The following DIP2B variants were observed in gnomAD, a reference collection of about 807,000 sequenced individuals.
DIP2B encodes the protein DIP2 acetate--CoA ligase B (putative).
A neutral mutation model predicts 198.0 loss-of-function variants in DIP2B; 76 were observed. The observed-to-expected ratio is 0.38, with a 90% CI of 0.32 to 0.46. The LOEUF is 0.46. Ranked by LOEUF, DIP2B falls within the 20% of genes least tolerant of loss-of-function variation. The pLI, the probability that DIP2B is intolerant of heterozygous loss-of-function variation, is 0.99. For missense variants in DIP2B, 1,559 were observed against 1,978.4 expected (o/e 0.79, Z 4.02); for synonymous variants, 701 against 739.1 (o/e 0.95, Z 0.84).
At chr12:50,602,627 G>C (rs1412690189) in intron 1 of DIP2B, among the ~76,000 whole-genome samples, 1 of 152,124 alleles carries the variant, frequency 6.6e-6, no homozygotes, top group Non-Finnish European at 1.5e-5. Context: ...TTGGGAGGCC[G>C]AGGCTGGCGG....
chr12:50,547,090 C>T (rs2139381698), intron 1 of DIP2B, among the ~76,000 whole-genome samples: 1 of 152,204 alleles, frequency 6.6e-6, no homozygotes, highest in South Asian at 2.1e-4. Context: ...CCTTTCTTTC[C>T]TTGGCTTCAG....
chr12:50,663,803 A>G (rs2731441), intron 4 of DIP2B, among the ~76,000 whole-genome samples: 142,438 of 148,798 alleles, frequency 0.96, 68,503 homozygotes, highest in East Asian at 1. Context: ...CCCAGAGGTC[A>G]AGGCTGCAGT....
intron 19 of DIP2B, among the ~76,000 whole-genome samples, chr12:50,702,123 G>T (rs1939428261): frequency 1.3e-5 from 2 of 152,052 alleles, no homozygotes; most frequent in South Asian, 4.1e-4. Context: ...GCCGAGGCGG[G>T]CGGATCACGA....
intron 21 of DIP2B, among the ~76,000 whole-genome samples, chr12:50,707,115 A>G (rs1206404706): frequency 6.6e-6 from 1 of 152,188 alleles, no homozygotes; most frequent in Non-Finnish European, 1.5e-5. Flanking sequence ...CATAGTGCAT[A>G]ATTTCAAATT....
rs1939506599 is a variant in DIP2B at position 50,706,007 on chromosome 12, T to G, written c.2407-531T>G. 2.0e-5 allele frequency among the ~76,000 whole-genome samples: 3 copies of G among 152,354 alleles called. No individual in the cohort carries two copies. In the South Asian group the frequency reaches 6.2e-4, roughly 32 times the overall value. ...AGTAGTTCCCTGCTGCTTTGTTTTCTTATTGGAAAAGAAAGGCACCTACAG... is the reference window on the plus strand; with the variant it reads ...AGTAGTTCCCTGCTGCTTTGTTTTCGTATTGGAAAAGAAAGGCACCTACAG... On this transcript the variant is annotated intron_variant, in intron 20 of 37. Transcript: ENST00000301180.
Position 50,692,854 on chromosome 12 carries a change from A to C in DIP2B, c.1655-95A>C, listed in dbSNP as rs1020803251. 18 of 1,085,778 alleles carry C rather than the reference A, an allele frequency of 1.7e-5. No homozygotes were observed. The African/African-American group carries it at 2.4e-4, about 14-fold the overall frequency. The allele number at this position is 1,085,778 out of a possible 1,614,324, so 67.3% of individuals were successfully genotyped here. ...CTCCATCTAAAAGAAAAAGCAAACA[A>C]ACATCAAATCAGTTGTTTATAAGAG... On this transcript the variant is annotated intron_variant, in intron 13 of 37. Transcript: ENST00000301180.
At chr12:50,675,472 A>G (rs1464560845) in intron 7 of DIP2B, 24 bp downstream of exon 7, 13 of 1,604,418 alleles carry the variant, frequency 8.1e-6, no homozygotes, top group Non-Finnish European at 9.4e-6. Context: ...TACCAAAAAC[A>G]TATATTCATT....
chr12:50,700,559 A>G (rs943524570), intron 19 of DIP2B, among the ~76,000 whole-genome samples: 22 of 152,206 alleles, frequency 1.4e-4, no homozygotes, highest in African/African-American at 5.3e-4. Context: ...AGAAAGTATC[A>G]TCTCTGTGAT....
chr12:50,599,876 A>ATGAT (rs1420379622), intron 1 of DIP2B, among the ~76,000 whole-genome samples: 1 of 152,192 alleles, frequency 6.6e-6, no homozygotes, highest in East Asian at 1.9e-4. Context: ...TTTTGAGATT[A>ATGAT]TGATCTTTTG....
rs191434743 is a variant in DIP2B, at chr12:50,549,622, C to A, written c.100+44382C>A. On this transcript the variant is annotated intron_variant, in intron 1 of 37. Transcript: ENST00000301180. The stretch of plus-strand genomic sequence containing the variant: ...GCTGAGGCAGGAAAATCACTTGAAC[C>A]TGGGAGGCAGAGGTTGCAGTGAGCT... Among the ~76,000 whole-genome samples the A allele has an allele frequency of 1.0e-3, 150 of 144,082 alleles. 2 individuals are homozygous for A. Among genetic ancestry groups the A allele is most frequent in the African/African-American group, 3.7e-3 (143 of 38,744 alleles). 94.5% of individuals were successfully genotyped at this position (144,082 alleles called of 152,430 possible). A position where few individuals can be genotyped will look rare whatever the true frequency, so the allele number is the denominator to read the frequency against.
At chr12:50,611,455 G>A (rs1405444375) in intron 1 of DIP2B, among the ~76,000 whole-genome samples, 1 of 152,074 alleles carries the variant, frequency 6.6e-6, no homozygotes, top group Non-Finnish European at 1.5e-5. Flanking sequence ...TTCTTTTGCT[G>A]AGGCTGCATT....
chr12:50,549,103 C>A (rs185359722), intron 1 of DIP2B, among the ~76,000 whole-genome samples: 15 of 151,104 alleles, frequency 9.9e-5, no homozygotes, highest in Middle Eastern at 3.4e-3. Flanking sequence ...ACAGCTGCTT[C>A]GGTTTTGGAC....
chr12:50,658,614 T>C (rs943811207), intron 3 of DIP2B, among the ~76,000 whole-genome samples: 1 of 152,238 alleles, frequency 6.6e-6, no homozygotes, highest in Admixed American at 6.5e-5. Flanking sequence ...TACTGAATTA[T>C]TCTTTCTATG....
chr12:50,644,302 A>G (rs1029847047), intron 3 of DIP2B, among the ~76,000 whole-genome samples: 4 of 152,190 alleles, frequency 2.6e-5, no homozygotes, highest in African/African-American at 9.7e-5. Context: ...ACACAAATTA[A>G]TGCCTGAGAT....
chr12:50,729,963 T>C (rs1940009210), intron 30 of DIP2B, among the ~76,000 whole-genome samples: 1 of 152,142 alleles, frequency 6.6e-6, no homozygotes, highest in African/African-American at 2.4e-5. Context: ...ACTCAGGCAG[T>C]CCGCCTGCCT....
chr12:50,609,142 A>G (rs895460254), intron 1 of DIP2B, among the ~76,000 whole-genome samples: 3 of 152,174 alleles, frequency 2.0e-5, no homozygotes, highest in Non-Finnish European at 4.4e-5. Flanking sequence ...CAAAAAAAAT[A>G]ATAAAAAAAA....
intron 1 of DIP2B, among the ~76,000 whole-genome samples, chr12:50,565,958 T>A (rs1593613965): frequency 6.6e-6 from 1 of 151,826 alleles, no homozygotes; most frequent in East Asian, 2.0e-4. Context: ...CTTTTTTTTT[T>A]AAACAGTGAA....
chr12:50,741,662 A>G, intron 37 of DIP2B, 123 bp downstream of exon 37: 1 of 1,301,498 alleles, frequency 7.7e-7, no homozygotes, highest in South Asian at 1.5e-5. Context: ...TGGGAGGAGT[A>G]AGGAAATAGA....
At chr12:50,667,699 G>T (rs1938780814) in intron 4 of DIP2B, among the ~76,000 whole-genome samples, 1 of 151,910 alleles carries the variant, frequency 6.6e-6, no homozygotes, top group Non-Finnish European at 1.5e-5. Context: ...CCAACTGTTA[G>T]TCAGTTTCTG....
Sources: allele counts gnomAD v4.1 joint callset (sites outside exome capture counted in the v4.1 genomes callset), GRCh38; gene constraint gnomAD v4.1.1; transcripts MANE v1.5; gene names NCBI Gene and HGNC (gene_info 2026-07-23, HGNC 2026-07-21).